Variants in KCNH7 observed in about 807,000 individuals in gnomAD.
The protein encoded by KCNH7 is potassium voltage-gated channel subfamily H member 7, also known as voltage-gated inwardly rectifying potassium channel KCNH7.
KCNH7 carries 49 observed loss-of-function variants against 120.8 expected under a neutral mutation model. The observed-to-expected ratio is 0.41, with a 90% CI of 0.32 to 0.51. KCNH7 has a LOEUF of 0.51. Ranked by LOEUF, KCNH7 falls within the 20% of genes least tolerant of loss-of-function variation. The pLI is 0.38. For synonymous variants in KCNH7, 547 were observed against 516.1 expected (o/e 1.06, Z -0.81); for missense variants, 1,097 against 1,446.6 (o/e 0.76, Z 3.92).
At chr2:162,606,158 C>T (rs1682756214) in intron 2 of KCNH7, among the ~76,000 whole-genome samples, 3 of 152,046 alleles carry the variant, frequency 2.0e-5, no homozygotes, top group South Asian at 2.1e-4. Context: ...AAATAAATCT[C>T]CCCTTAAATT....
At chr2:162,660,052 T>C (rs1684906252) in intron 2 of KCNH7, among the ~76,000 whole-genome samples, 1 of 152,128 alleles carries the variant, frequency 6.6e-6, no homozygotes, top group Non-Finnish European at 1.5e-5. Flanking sequence ...TTATCAATTG[T>C]ATTGCTCACT....
intron 2 of KCNH7, among the ~76,000 whole-genome samples, chr2:162,634,225 C>T (rs12992007): frequency 2.0e-5 from 3 of 151,888 alleles, no homozygotes; most frequent in Non-Finnish European, 2.9e-5. Flanking sequence ...TTTTAAAGCA[C>T]TATTAAATAC....
intron 2 of KCNH7, among the ~76,000 whole-genome samples, chr2:162,751,018 T>TA (rs1395097153): frequency 6.8e-6 from 1 of 148,112 alleles, no homozygotes. Flanking sequence ...TAGGCCAAGT[T>TA]AAAAAAACCA....
In KCNH7 at chr2:162,550,203, T is replaced by G. The variant is rs77035076; in HGVS notation, c.308-13123A>C. On this transcript the variant is annotated intron_variant, in intron 2 of 15. Coordinates refer to ENST00000332142, the MANE Select transcript of KCNH7 (RefSeq NM_033272.4). Reference sequence around the variant, plus strand: ...ATTGAACAAGCACAAATATTTGGGATATGCAACTCCCAAGCCACGACCTCT... The same window carrying G: ...ATTGAACAAGCACAAATATTTGGGAGATGCAACTCCCAAGCCACGACCTCT... Among the ~76,000 whole-genome samples the G allele has an allele frequency of 4.9e-3, 743 of 152,300 alleles. 9 individuals carry two copies. The highest frequency in any genetic ancestry group is 0.017 in the African/African-American group (708 of 41,582).
chr2:162,733,103 C>T (rs991307840), intron 2 of KCNH7, among the ~76,000 whole-genome samples: 4 of 152,070 alleles, frequency 2.6e-5, no homozygotes, highest in African/African-American at 7.2e-5. Flanking sequence ...CAGGACTTTC[C>T]AGGAAGTGGG....
At chr2:162,826,466 T>C (rs1246779792) in intron 2 of KCNH7, among the ~76,000 whole-genome samples, 2 of 152,104 alleles carry the variant, frequency 1.3e-5, no homozygotes, top group Non-Finnish European at 1.5e-5. Flanking sequence ...GAGTGATTTG[T>C]TATGTCTTTT....
chr2:162,537,359 T>C (rs991503050), intron 2 of KCNH7, among the ~76,000 whole-genome samples: 3 of 152,028 alleles, frequency 2.0e-5, no homozygotes, highest in Non-Finnish European at 4.4e-5. Context: ...ATCCCTATAA[T>C]AGTTAATTTT....
chr2:162,612,058 T>G (rs1682988495), intron 2 of KCNH7, among the ~76,000 whole-genome samples: 1 of 152,126 alleles, frequency 6.6e-6, no homozygotes, highest in Admixed American at 6.5e-5. Context: ...TCAAATAATG[T>G]GAAAAGCCCT....
At chr2:162,524,328 C>T (rs1022428750) in intron 3 of KCNH7, among the ~76,000 whole-genome samples, 7 of 152,116 alleles carry the variant, frequency 4.6e-5, no homozygotes, top group African/African-American at 7.2e-5. Flanking sequence ...AGCCACACCA[C>T]GGCAAAGGCC....
At chr2:162,706,091 T>C (rs1212095051) in intron 2 of KCNH7, among the ~76,000 whole-genome samples, 1 of 152,106 alleles carries the variant, frequency 6.6e-6, no homozygotes, top group Non-Finnish European at 1.5e-5. Context: ...AAATGTACAA[T>C]CTTTTGTGCT....
intron 12 of KCNH7, among the ~76,000 whole-genome samples, chr2:162,391,176 T>C (rs780590683): frequency 6.6e-6 from 1 of 152,180 alleles, no homozygotes; most frequent in Admixed American, 6.6e-5. Context: ...TCCTTTCATA[T>C]GAGCAATGAA....
chr2:162,624,896 T>G (rs919681581), intron 2 of KCNH7, among the ~76,000 whole-genome samples: 8 of 138,966 alleles, frequency 5.8e-5, no homozygotes, highest in African/African-American at 1.4e-4. Context: ...TTGGTTTTTT[T>G]TTTTTTTTTT....
Position 162,379,915 on chromosome 2 carries a change from T to G in KCNH7, c.3069A>C (p.Glu1023Asp). 6.2e-7 allele frequency: 1 copy of G among 1,614,020 alleles called. No individual in the cohort carries two copies. Among genetic ancestry groups the G allele is most frequent in the East Asian group, 2.2e-5 (1 of 44,842 alleles). Residue 1023 changes from glutamate (E) to aspartate (D), a missense_variant, in exon 14 of 16, where the codon GAA (glutamate) becomes GAC (aspartate). By Grantham distance (45) the Glu-to-Asp change is conservative (BLOSUM62 2). This residue lies in a region of KCNH7 where 406 missense variants were observed against 410.5 expected (regional missense o/e 0.99). Coordinates refer to ENST00000332142, the MANE Select transcript of KCNH7 (RefSeq NM_033272.4). ...CCACTTCCCCGTAGGTGAGGTCGCT[T>G]TCGGTTTCAGAGATACCCCAGGCAG... ...QRAAWGISET[E>D]SDLTYGEVEQ...
chr2:162,465,302 A>G (rs1424603566), intron 6 of KCNH7, among the ~76,000 whole-genome samples: 37 of 152,154 alleles, frequency 2.4e-4, no homozygotes, highest in Admixed American at 2.4e-3. Context: ...TTACTGCACT[A>G]TTTATGCCAT....
chr2:162,529,231 G>A (rs1341797477), intron 3 of KCNH7, among the ~76,000 whole-genome samples: 1 of 151,942 alleles, frequency 6.6e-6, no homozygotes, highest in Non-Finnish European at 1.5e-5. Flanking sequence ...CGTATATAGA[G>A]ATGACTAGGA....
At chr2:162,372,905 A>G (rs1400290914) in intron 15 of KCNH7, among the ~76,000 whole-genome samples, 1 of 152,126 alleles carries the variant, frequency 6.6e-6, no homozygotes, top group East Asian at 1.9e-4. Context: ...TGCTTCTCTT[A>G]CCATGTTTAT....
intron 2 of KCNH7, among the ~76,000 whole-genome samples, chr2:162,558,418 T>A (rs1692935300): frequency 6.7e-6 from 1 of 150,098 alleles, no homozygotes; most frequent in African/African-American, 2.5e-5. Flanking sequence ...TTGTGATCCA[T>A]CCGCCTCGGC....
chr2:162,716,552 A>T (rs1253912532), intron 2 of KCNH7, among the ~76,000 whole-genome samples: 1 of 152,126 alleles, frequency 6.6e-6, no homozygotes, highest in Non-Finnish European at 1.5e-5. Flanking sequence ...TTGTAATAAA[A>T]CTTTATCCAG....
chr2:162,415,636 T>A (rs1204177084), intron 9 of KCNH7, among the ~76,000 whole-genome samples: 1 of 152,168 alleles, frequency 6.6e-6, no homozygotes, highest in East Asian at 1.9e-4. Flanking sequence ...CTTTAAGAAT[T>A]GCCAATATAA....
Sources: allele counts gnomAD v4.1 joint callset (sites outside exome capture counted in the v4.1 genomes callset), GRCh38; gene constraint gnomAD v4.1.1; regional missense constraint gnomAD v4.1.1; transcripts MANE v1.5; gene names NCBI Gene and HGNC (gene_info 2026-07-23, HGNC 2026-07-21).